The following BABAM2 variants were observed in gnomAD, a reference collection of about 807,000 sequenced individuals.
BABAM2 encodes BRISC and BRCA1-A complex member 2.
Under a neutral mutation model 54.7 loss-of-function variants are expected in BABAM2, and 31 were observed. The observed-to-expected ratio is 0.57, with a 90% CI of 0.43 to 0.77. The LOEUF (loss-of-function observed/expected upper bound fraction) is 0.77. Among genes scored for constraint, BABAM2 ranks in the 30% least tolerant of loss-of-function variants. BABAM2 has a pLI of 0.00. For synonymous variants in BABAM2, 167 were observed against 162.9 expected (o/e 1.03, Z -0.19); for missense variants, 364 against 455.8 (o/e 0.80, Z 1.83).
chr2:27,938,463 C>T (rs1362875526), intron 3 of BABAM2, among the ~76,000 whole-genome samples: 3 of 151,904 alleles, frequency 2.0e-5, no homozygotes, highest in Non-Finnish European at 4.4e-5. Context: ...ACGGTCTCGG[C>T]TCACTGCAAC....
chr2:28,276,462 G>C lies in BABAM2; in HGVS notation c.935-21876G>C, dbSNP rs1685891020. Among the ~76,000 whole-genome samples the C allele has an allele frequency of 2.0e-5, 3 of 152,212 alleles. No individual in the cohort carries two copies. The South Asian group carries it at 6.2e-4, about 32-fold the overall frequency. On this transcript the variant is annotated intron_variant, in intron 10 of 11. Coordinates refer to ENST00000379624, the MANE Select transcript of BABAM2 (RefSeq NM_199191.3). ...GCAAAATATGCCTTTGTAACGCGCA[G>C]CCGTGGGATGTTTTTAGCAAAGACT...
intron 5 of BABAM2, among the ~76,000 whole-genome samples, chr2:28,026,953 TATATAA>T (rs1425482761): frequency 0.018 from 97 of 5,348 alleles, 2 homozygotes; most frequent in Middle Eastern, 0.5. Flanking sequence ...TATATTAATA[TATATAA>T]ATATATATAT....
At chr2:28,122,599 T>G (rs13396701) in intron 6 of BABAM2, among the ~76,000 whole-genome samples, 16,984 of 152,224 alleles carry the variant, frequency 0.11, 1,489 homozygotes, top group African/African-American at 0.24. Context: ...CAGTATTTCT[T>G]GTTCAGCTAA....
intron 6 of BABAM2, among the ~76,000 whole-genome samples, chr2:28,092,676 T>C (rs1666249272): frequency 6.6e-6 from 1 of 152,160 alleles, no homozygotes; most frequent in South Asian, 2.1e-4. Flanking sequence ...GCATGATTTT[T>C]AATTCTTCGA....
At chr2:28,215,852 AT>A (rs1318593044) in intron 7 of BABAM2, among the ~76,000 whole-genome samples, 1 of 152,050 alleles carries the variant, frequency 6.6e-6, no homozygotes, top group African/African-American at 2.4e-5. Flanking sequence ...CTGTAACTGT[AT>A]TTTAAGCCAG....
rs12052588 is a variant in BABAM2 at position 28,239,858 on chromosome 2, G to C, written c.781-1465G>C. Among the ~76,000 whole-genome samples the C allele has an allele frequency of 9.3e-4, 142 of 152,300 alleles. No homozygotes were observed. The East Asian group carries it at 0.02, about 22-fold the overall frequency. On this transcript the variant is annotated intron_variant, in intron 8 of 11. Coordinates refer to ENST00000379624, the MANE Select transcript of BABAM2 (RefSeq NM_199191.3). ...GGTTTTCCGCTGCTTCAGAGGGTAT[G>C]TCCATAGACTATTCACTGTGGCAGA... is the stretch of plus-strand genomic sequence containing the variant.
intron 3 of BABAM2, among the ~76,000 whole-genome samples, chr2:27,979,775 T>C (rs1206909471): frequency 6.6e-6 from 1 of 152,180 alleles, no homozygotes; most frequent in Non-Finnish European, 1.5e-5. Context: ...CTGGCAGTTA[T>C]TGAAACTGAT....
At chr2:28,147,676 T>C (rs1392739555) in intron 7 of BABAM2, among the ~76,000 whole-genome samples, 1 of 152,136 alleles carries the variant, frequency 6.6e-6, no homozygotes, top group Non-Finnish European at 1.5e-5. Flanking sequence ...GGTTTCACTG[T>C]GTTAGCCAGG....
chr2:28,226,391 A>G (rs1379086410), intron 7 of BABAM2, among the ~76,000 whole-genome samples: 1 of 152,068 alleles, frequency 6.6e-6, no homozygotes, highest in Non-Finnish European at 1.5e-5. Context: ...TCTCTTTTTT[A>G]TATTCATTGG....
At chr2:28,048,279 G>A (rs1353170111) in intron 6 of BABAM2, among the ~76,000 whole-genome samples, 1 of 152,182 alleles carries the variant, frequency 6.6e-6, no homozygotes, top group African/African-American at 2.4e-5. Flanking sequence ...AGGTGTGCCT[G>A]TTTTGCCCAC....
At chr2:28,148,525 G>A (rs1203112636) in intron 7 of BABAM2, among the ~76,000 whole-genome samples, 4 of 152,182 alleles carry the variant, frequency 2.6e-5, no homozygotes, top group African/African-American at 9.7e-5. Context: ...CACATTTTGG[G>A]GGACAGAACC....
chr2:27,953,200 A>C (rs1669861430), intron 3 of BABAM2, among the ~76,000 whole-genome samples: 1 of 151,890 alleles, frequency 6.6e-6, no homozygotes, highest in Non-Finnish European at 1.5e-5. Flanking sequence ...ATTTTCTTTG[A>C]GACAGAGGCT....
chr2:28,277,966 G>A (rs945531660), intron 10 of BABAM2, among the ~76,000 whole-genome samples: 1 of 152,188 alleles, frequency 6.6e-6, no homozygotes, highest in Non-Finnish European at 1.5e-5. Flanking sequence ...GCTCAGTCTT[G>A]GAAGTGCAAT....
At chr2:28,275,688 G>A (rs1017428206) in intron 10 of BABAM2, among the ~76,000 whole-genome samples, 112 of 152,146 alleles carry the variant, frequency 7.4e-4, no homozygotes, top group African/African-American at 2.5e-3. Flanking sequence ...CGTCAAAAAT[G>A]TCATAATTTC....
At chr2:28,331,976 A>G (rs1160856255) in intron 11 of BABAM2, among the ~76,000 whole-genome samples, 2 of 152,252 alleles carry the variant, frequency 1.3e-5, no homozygotes, top group African/African-American at 4.8e-5. Context: ...ATGGAATACT[A>G]TGCAGCCATA....
In BABAM2 at chr2:28,288,867, G is replaced by T. The variant is rs538191896; in HGVS notation, c.935-9471G>T. Among the ~76,000 whole-genome samples, 553 of 151,946 alleles carry T rather than the reference G, an allele frequency of 3.6e-3. 2 individuals are homozygous for T. Among genetic ancestry groups the T allele is most frequent in the African/African-American group, 0.013 (527 of 41,446 alleles). ...TGTCTTAGCATGCTCAACTGAAGTT[G>T]CTTCTTGACCTTGCCAGGTCTCCTT... On this transcript the variant is annotated intron_variant, in intron 10 of 11. Transcript: ENST00000379624.
intron 7 of BABAM2, among the ~76,000 whole-genome samples, chr2:28,188,812 A>G (rs1270741441): frequency 6.6e-6 from 1 of 152,180 alleles, no homozygotes; most frequent in African/African-American, 2.4e-5. Flanking sequence ...CACATATTTA[A>G]TATTGTTTTT....
chr2:28,024,522 G>A (rs1443448249), intron 4 of BABAM2, among the ~76,000 whole-genome samples: 1 of 152,176 alleles, frequency 6.6e-6, no homozygotes, highest in Non-Finnish European at 1.5e-5. Flanking sequence ...ACACATGGAG[G>A]ACTACTGCAT....
intron 7 of BABAM2, among the ~76,000 whole-genome samples, chr2:28,183,913 G>A (rs1308544487): frequency 6.6e-6 from 1 of 152,106 alleles, no homozygotes; most frequent in African/African-American, 2.4e-5. Context: ...CCTTTGGGTA[G>A]ACCTAGCATC....
Sources: allele counts gnomAD v4.1 joint callset (sites outside exome capture counted in the v4.1 genomes callset), GRCh38; gene constraint gnomAD v4.1.1; transcripts MANE v1.5; gene names NCBI Gene and HGNC (gene_info 2026-07-23, HGNC 2026-07-21).